SLC6A16: variants seen among roughly 807,000 people sequenced by gnomAD.
SLC6A16 encodes the protein solute carrier family 6 member 16, also known as orphan sodium- and chloride-dependent neurotransmitter transporter NTT5.
SLC6A16 carries 54 observed loss-of-function variants against 65.4 expected under a neutral mutation model. The observed-to-expected ratio is 0.83, with a 90% CI of 0.66 to 1.04. The LOEUF (loss-of-function observed/expected upper bound fraction) is 1.04, where lower values mean the gene tolerates loss of function less well. SLC6A16 is among the 50% of genes least tolerant of loss of function. The pLI, the probability that SLC6A16 is intolerant of heterozygous loss-of-function variation, is 0.00. For missense variants in SLC6A16, 816 were observed against 914.0 expected (o/e 0.89, Z 1.38); for synonymous variants, 330 against 346.5 (o/e 0.95, Z 0.53).
In SLC6A16 at chr19:49,294,490, A is replaced by G; in HGVS notation, c.1293T>C (p.Pro431=). The change falls in exon 8 of 12, where the codon CCT becomes CCC. Residue 431 remains proline, a synonymous_variant. Coordinates refer to ENST00000335875, the MANE Select transcript of SLC6A16 (RefSeq NM_014037.3). ...AGGTTGGGTTGTAAAGCAGGTTGAC[A>G]GGGGGCTTGGCATCAGGAGGCAGTT... ...LGKLPPDAKP[P]VNLLYNPTSI... 1 of 1,614,044 alleles carries G rather than the reference A, an allele frequency of 6.2e-7. No homozygotes were observed. The highest frequency in any genetic ancestry group is 8.5e-7 in the Non-Finnish European group (1 of 1,180,000).
rs752461895 is a variant in SLC6A16, at chr19:49,308,847, G to T, written c.1229+29C>A. On this transcript the variant is annotated intron_variant, in intron 7 of 11. Coordinates refer to ENST00000335875, the MANE Select transcript of SLC6A16 (RefSeq NM_014037.3). The stretch of plus-strand genomic sequence containing the variant: ...CAGGGTTTTAAAGTTCCCTGGAGCT[G>T]AGACCCTTAACAAAGGGGCCGGCCT... The T allele has an allele frequency of 8.7e-5, 140 of 1,612,664 alleles. 1 individual carries two copies. The highest frequency in any genetic ancestry group is 3.8e-4 in the Admixed American group (23 of 59,952).
At position 49,293,878 on chromosome 19, in the gene SLC6A16, G is replaced by T; in HGVS notation, c.1567C>A (p.Pro523Thr). 6.2e-7 allele frequency: 1 copy of T among 1,614,086 alleles called. No individual in the cohort carries two copies. Among genetic ancestry groups the T allele is most frequent in the Non-Finnish European group, 8.5e-7 (1 of 1,180,020 alleles). The change falls in exon 9 of 12, where the codon CCA becomes ACA. Residue 523 changes from proline (P) to threonine (T), a missense_variant. Pro to Thr is a conservative substitution (Grantham distance 38). Transcript: ENST00000335875. ...AAGAAAGAGAAGGTGTCCTGGAGTGGAGTAATGATGCCCTGCATAATCCCT... is the reference window on the plus strand; with the variant it reads ...AAGAAAGAGAAGGTGTCCTGGAGTGTAGTAATGATGCCCTGCATAATCCCT... The part of the protein sequence containing the change: ...AIGIMQGIIT[P>T]LQDTFSFFRK...
chr19:49,337,176 C>T, the SLC6A16 span: 1 of 1,614,212 alleles, frequency 6.2e-7, no homozygotes, highest in East Asian at 2.2e-5. Flanking sequence ...TCCTGTTTGC[C>T]ACACAGATCA....
At position 49,292,802 on chromosome 19, in the gene SLC6A16, T is replaced by C. The variant is rs1970102379; in HGVS notation, c.1778+421A>G. Among the ~76,000 whole-genome samples the C allele has an allele frequency of 6.6e-6, 1 of 152,190 alleles. No individual in the cohort carries two copies. The highest frequency in any genetic ancestry group is 2.1e-4 in the South Asian group (1 of 4,828). ...TTCAGGAGTCTGCTCACATGTCACCTTATCGGAAGGGCCCTCCCTGAAGTC... is the reference window on the plus strand; with the variant it reads ...TTCAGGAGTCTGCTCACATGTCACCCTATCGGAAGGGCCCTCCCTGAAGTC... On this transcript the variant is annotated intron_variant, in intron 10 of 11. Transcript: ENST00000335875. This position sits in a 1 kb window ranked among gnomAD's most constrained non-coding sequence, Gnocchi z 4.3.
At chr19:49,322,162 G>A (rs1005231418) in intron 1 of SLC6A16, among the ~76,000 whole-genome samples, 8 of 151,962 alleles carry the variant, frequency 5.3e-5, no homozygotes, top group Non-Finnish European at 8.8e-5. Flanking sequence ...GATCTTATAC[G>A]TAGAAAATCC....
intron 1 of SLC6A16, among the ~76,000 whole-genome samples, chr19:49,315,989 C>G (rs551031937): frequency 6.6e-6 from 1 of 152,098 alleles, no homozygotes; most frequent in South Asian, 2.1e-4. Context: ...AAAGATTAAA[C>G]AAAACTCACT....
At chr19:49,315,508 T>G (rs1324015964) in intron 1 of SLC6A16, among the ~76,000 whole-genome samples, 1 of 152,180 alleles carries the variant, frequency 6.6e-6, no homozygotes, top group Non-Finnish European at 1.5e-5. Flanking sequence ...ATCCAGCCTT[T>G]GGGGCTGGTC....
chr19:49,308,240 C>T (rs540829083), intron 7 of SLC6A16, among the ~76,000 whole-genome samples: 1 of 152,074 alleles, frequency 6.6e-6, no homozygotes, highest in Admixed American at 6.5e-5. Context: ...ATTATGAGGT[C>T]GGGAGATCGA....
the SLC6A16 span, chr19:49,338,198 CG>C: frequency 7.0e-7 from 1 of 1,434,906 alleles, no homozygotes; most frequent in Non-Finnish European, 9.1e-7. The surrounding 1 kb of genome is among the most constrained non-coding windows in gnomAD (Gnocchi z 5.0). Flanking sequence ...CTGTCCCCGG[CG>C]TCGCCTGGTC....
chr19:49,335,797 C>T, the SLC6A16 span: 15 of 1,417,638 alleles, frequency 1.1e-5, no homozygotes, highest in Non-Finnish European at 1.5e-5. This position sits in a 1 kb window ranked among gnomAD's most constrained non-coding sequence, Gnocchi z 4.6. Context: ...GTGAGGGGGG[C>T]TGGGGCAGGT....
chr19:49,304,183 A>G (rs1970339161), intron 7 of SLC6A16, among the ~76,000 whole-genome samples: 1 of 152,248 alleles, frequency 6.6e-6, no homozygotes, highest in Non-Finnish European at 1.5e-5. Context: ...GAACGTTATC[A>G]GAATAAAATG....
At chr19:49,335,872 G>A in the SLC6A16 span, 1 of 1,093,370 alleles carries the variant, frequency 9.1e-7, no homozygotes, top group Non-Finnish European at 1.4e-6. This position sits in a 1 kb window ranked among gnomAD's most constrained non-coding sequence, Gnocchi z 4.6. Flanking sequence ...GACCTACGGT[G>A]CCCTACTCTG....
rs1433572217 is a variant in SLC6A16, at chr19:49,300,868, G to A, written c.1230-6315C>T. On this transcript the variant is annotated intron_variant, in intron 7 of 11. Coordinates refer to ENST00000335875, the MANE Select transcript of SLC6A16 (RefSeq NM_014037.3). ...GGAGTTCGAGACCAGCCTGGCCAAC[G>A]TGGGGAAACCCCGTCTCTACAAAAA... Among the ~76,000 whole-genome samples, 8 of 151,960 alleles carry A rather than the reference G, an allele frequency of 5.3e-5. No homozygotes were observed. The East Asian group carries it at 1.4e-3, about 26-fold the overall frequency.
chr19:49,337,752 T>C, the SLC6A16 span: 1 of 1,536,090 alleles, frequency 6.5e-7, no homozygotes, highest in Non-Finnish European at 8.7e-7. Context: ...TTATGAGCCG[T>C]AGAAATAGTG....
In SLC6A16 at chr19:49,309,291, T is replaced by C. The variant is rs183297515; in HGVS notation, c.987+10A>G. The stretch of plus-strand genomic sequence containing the variant: ...AAGGCCTGACGGGGGAGTGAGGAGA[T>C]AGATTTCACCTTGGCAACCACCAAC... On this transcript the variant is annotated intron_variant, in intron 6 of 11. Coordinates refer to ENST00000335875, the MANE Select transcript of SLC6A16 (RefSeq NM_014037.3). The C allele has an allele frequency of 1.2e-6, 2 of 1,602,538 alleles. No individual in the cohort carries two copies. Among genetic ancestry groups the C allele is most frequent in the African/African-American group, 1.3e-5 (1 of 74,652 alleles).
the SLC6A16 span, chr19:49,336,994 T>C: frequency 1.9e-6 from 3 of 1,613,840 alleles, no homozygotes; most frequent in African/African-American, 2.7e-5. Flanking sequence ...TCCTGGGTTG[T>C]GTGGGGGCCC....
intron 7 of SLC6A16, among the ~76,000 whole-genome samples, chr19:49,302,659 T>C (rs74425629): frequency 0.051 from 7,746 of 152,280 alleles, 626 homozygotes; most frequent in African/African-American, 0.18. Flanking sequence ...GATCCACTAA[T>C]TGCCTGACAA....
the SLC6A16 span, chr19:49,335,250 T>C: frequency 2.2e-6 from 1 of 453,674 alleles, no homozygotes; most frequent in Non-Finnish European, 4.0e-6. The surrounding 1 kb of genome is among the most constrained non-coding windows in gnomAD (Gnocchi z 4.6). Flanking sequence ...TGGGAGGGAC[T>C]GCCCCATGAG....
chr19:49,295,598 A>T (rs904327900), intron 7 of SLC6A16, among the ~76,000 whole-genome samples: 4 of 152,364 alleles, frequency 2.6e-5, no homozygotes, highest in African/African-American at 9.6e-5. Context: ...CTAACAAAAT[A>T]AAAATGTTGA....
Sources: allele counts gnomAD v4.1 joint callset (sites outside exome capture counted in the v4.1 genomes callset), GRCh38; gene constraint gnomAD v4.1.1; non-coding constraint Gnocchi (gnomAD v3.1); transcripts MANE v1.5; gene names NCBI Gene and HGNC (gene_info 2026-07-23, HGNC 2026-07-21).